The following CDC42BPA variants were observed in gnomAD, a reference collection of about 807,000 sequenced individuals.
The protein encoded by CDC42BPA is CDC42 binding protein kinase alpha, also known as serine/threonine-protein kinase MRCK alpha.
Under a neutral mutation model 223.5 loss-of-function variants are expected in CDC42BPA, and 80 were observed. The ratio of observed to expected loss-of-function variants is 0.36; its 90% CI spans 0.30 to 0.43. CDC42BPA has a LOEUF of 0.43. Ranked by LOEUF, CDC42BPA falls within the 20% of genes least tolerant of loss-of-function variation. The pLI is 1.00. For missense variants in CDC42BPA, 1,743 were observed against 2,099.9 expected, an observed-to-expected ratio of 0.83 and a Z score of 3.32; for synonymous variants, 694 against 718.6, an observed-to-expected ratio of 0.97 and a Z score of 0.55.
intron 15 of CDC42BPA, among the ~76,000 whole-genome samples, chr1:227,098,774 C>T (rs1411185645): frequency 6.6e-6 from 1 of 151,770 alleles, no homozygotes; most frequent in Non-Finnish European, 1.5e-5. Flanking sequence ...TCTAAGTGGT[C>T]TCATCACTTT....
At chr1:227,177,994 T>C (rs993477228) in intron 5 of CDC42BPA, among the ~76,000 whole-genome samples, 1 of 152,242 alleles carries the variant, frequency 6.6e-6, no homozygotes, top group African/African-American at 2.4e-5. Flanking sequence ...TTGTTTCTTT[T>C]ATAGTTTTTA....
At chr1:227,252,788 C>G (rs1388553359) in intron 2 of CDC42BPA, among the ~76,000 whole-genome samples, 1 of 152,200 alleles carries the variant, frequency 6.6e-6, no homozygotes, top group East Asian at 1.9e-4. Context: ...GGAGAAAAAC[C>G]ATGAGTGTCC....
chr1:227,264,549 G>A (rs1684653035), intron 1 of CDC42BPA, among the ~76,000 whole-genome samples: 2 of 145,350 alleles, frequency 1.4e-5, no homozygotes, highest in African/African-American at 2.8e-5. Context: ...CATTTTAGGA[G>A]AGTTAATGAT....
intron 11 of CDC42BPA, among the ~76,000 whole-genome samples, chr1:227,126,619 C>T (rs941562074): frequency 5.3e-5 from 8 of 152,096 alleles, no homozygotes; most frequent in African/African-American, 7.2e-5. Context: ...GAATGGAATT[C>T]AGCAATATAT....
At chr1:227,179,498 T>C (rs1276129756) in intron 5 of CDC42BPA, among the ~76,000 whole-genome samples, 1 of 151,470 alleles carries the variant, frequency 6.6e-6, no homozygotes, top group African/African-American at 2.4e-5. Context: ...TAGCCGGGCG[T>C]GGTGGTGGGC....
chr1:227,074,936 T>C (rs1558437592), intron 17 of CDC42BPA, among the ~76,000 whole-genome samples: 1 of 152,198 alleles, frequency 6.6e-6, no homozygotes, highest in Non-Finnish European at 1.5e-5. Context: ...GCTATCTAGC[T>C]AACGATACAA....
At position 226,993,578 on chromosome 1, in the gene CDC42BPA, T is replaced by C. The variant is rs1022329812; in HGVS notation, c.*690A>G. The stretch of plus-strand genomic sequence containing the variant: ...TCGCTCTCTCTCTACAAATGTGAGC[T>C]TGAGGCCTTTCCACCCTTTACATTA... On this transcript the variant is annotated 3_prime_UTR_variant, in exon 37 of 37. Transcript: ENST00000366766. The C allele has an allele frequency of 1.3e-5, 2 of 152,668 alleles. No homozygotes were observed. The highest frequency in any genetic ancestry group is 2.4e-5 in the African/African-American group (1 of 41,454). 9.5% of individuals were successfully genotyped at this position (152,668 alleles called of 1,614,324 possible). A position where few individuals can be genotyped will look rare whatever the true frequency, so the allele number is the denominator to read the frequency against.
At chr1:227,221,809 A>C (rs1342363656) in intron 2 of CDC42BPA, among the ~76,000 whole-genome samples, 1 of 151,736 alleles carries the variant, frequency 6.6e-6, no homozygotes, top group Non-Finnish European at 1.5e-5. Flanking sequence ...AGAAACTAGA[A>C]TCCCTCTTCT....
In CDC42BPA at chr1:227,159,567, C is replaced by G. The variant is rs190409360; in HGVS notation, c.693+976G>C. 3.3e-5 allele frequency among the ~76,000 whole-genome samples: 5 copies of G among 151,698 alleles called. No homozygotes were observed. In the East Asian group the frequency reaches 9.7e-4, roughly 29 times the overall value. On this transcript the variant is annotated intron_variant, in intron 6 of 36. Coordinates refer to ENST00000366766, the MANE Select transcript of CDC42BPA (RefSeq NM_001394014.1). ...TTCATGGCTTTTGGAATGTATTATA[C>G]TAAACTGTCCTCCAAAAAGTTTCTG...
intron 17 of CDC42BPA, among the ~76,000 whole-genome samples, chr1:227,074,774 T>C (rs1412512827): frequency 1.3e-5 from 2 of 152,194 alleles, no homozygotes; most frequent in African/African-American, 4.8e-5. Flanking sequence ...AACTGAAGTG[T>C]ATATTAAATT....
chr1:227,293,753 G>C (rs931785872), intron 1 of CDC42BPA, among the ~76,000 whole-genome samples: 6 of 152,276 alleles, frequency 3.9e-5, no homozygotes, highest in Middle Eastern at 3.4e-3. Context: ...GGAGGTTGCA[G>C]TGAGCCGAGA....
intron 23 of CDC42BPA, among the ~76,000 whole-genome samples, chr1:227,046,457 A>C (rs1245256846): frequency 6.6e-6 from 1 of 152,126 alleles, no homozygotes; most frequent in Non-Finnish European, 1.5e-5. Flanking sequence ...CTTTTGCCAA[A>C]TCTCAACTAT....
intron 17 of CDC42BPA, among the ~76,000 whole-genome samples, chr1:227,078,981 G>A (rs180808758): frequency 1.5e-3 from 227 of 152,056 alleles, no homozygotes; most frequent in African/African-American, 4.2e-3. Flanking sequence ...AAATACTTCC[G>A]GTCCCAAGCA....
chr1:227,032,300 G>A (rs1306216110), intron 27 of CDC42BPA, among the ~76,000 whole-genome samples: 1 of 152,092 alleles, frequency 6.6e-6, no homozygotes, highest in Non-Finnish European at 1.5e-5. Flanking sequence ...GGCCTCTGTA[G>A]GCTCCCTTGG....
At chr1:227,290,297 G>T (rs1370141168) in intron 1 of CDC42BPA, among the ~76,000 whole-genome samples, 1 of 152,032 alleles carries the variant, frequency 6.6e-6, no homozygotes, top group Non-Finnish European at 1.5e-5. Flanking sequence ...CCATGATTGA[G>T]CCTTTCTACT....
intron 34 of CDC42BPA, among the ~76,000 whole-genome samples, chr1:227,009,133 CTG>C (rs1269041595): frequency 1.3e-5 from 2 of 152,208 alleles, no homozygotes; most frequent in South Asian, 4.1e-4. Flanking sequence ...AGGCTACAAA[CTG>C]TATCTGAAAC....
At chr1:227,245,791 G>A (rs1427885612) in intron 2 of CDC42BPA, among the ~76,000 whole-genome samples, 1 of 152,156 alleles carries the variant, frequency 6.6e-6, no homozygotes, top group Non-Finnish European at 1.5e-5. Context: ...GAGTTCTTGG[G>A]CAATGAATTG....
chr1:227,167,979 C>G lies in CDC42BPA; in HGVS notation c.600-7343G>C, dbSNP rs138478923. ...TCACTCTGTCACCCAGGCTCAAGTG[C>G]AGTGGCATGATCTTGGCTCACTGAA... On this transcript the variant is annotated intron_variant, in intron 5 of 36. Coordinates refer to ENST00000366766, the MANE Select transcript of CDC42BPA (RefSeq NM_001394014.1). Among the ~76,000 whole-genome samples the G allele has an allele frequency of 6.0e-3, 911 of 151,792 alleles. 10 individuals carry two copies. The highest frequency in any genetic ancestry group is 0.021 in the African/African-American group (858 of 41,324).
chr1:227,287,126 G>A (rs2148622316), intron 1 of CDC42BPA, among the ~76,000 whole-genome samples: 1 of 152,304 alleles, frequency 6.6e-6, no homozygotes, highest in South Asian at 2.1e-4. Flanking sequence ...AATGCTTGCT[G>A]ATAAAAGTCA....
Sources: allele counts gnomAD v4.1 joint callset (sites outside exome capture counted in the v4.1 genomes callset), GRCh38; gene constraint gnomAD v4.1.1; transcripts MANE v1.5; gene names NCBI Gene and HGNC (gene_info 2026-07-23, HGNC 2026-07-21).